The following OSMR variants were observed in gnomAD, a reference collection of about 807,000 sequenced individuals.
OSMR encodes oncostatin-M-specific receptor subunit beta.
In OSMR, 81 loss-of-function variants were observed where a neutral mutation model predicts 99.9. The ratio of observed to expected loss-of-function variants is 0.81; its 90% CI spans 0.68 to 0.97. The LOEUF (loss-of-function observed/expected upper bound fraction) is 0.97. Ranked by LOEUF, OSMR falls within the 50% of genes least tolerant of loss-of-function variation. OSMR has a pLI of 0.00. For synonymous variants in OSMR, 406 were observed against 410.4 expected, an observed-to-expected ratio of 0.99 and a Z score of 0.13; for missense variants, 1,099 against 1,153.4, an observed-to-expected ratio of 0.95 and a Z score of 0.68.
intron 9 of OSMR, among the ~76,000 whole-genome samples, chr5:38,914,825 A>G (rs1745804355): frequency 6.6e-6 from 1 of 152,124 alleles, no homozygotes; most frequent in African/African-American, 2.4e-5. Context: ...GACACTGGGG[A>G]CTACTAGAAG....
chr5:38,892,795 G>A (rs1307818898), intron 7 of OSMR, among the ~76,000 whole-genome samples: 1 of 152,072 alleles, frequency 6.6e-6, no homozygotes, highest in East Asian at 1.9e-4. Flanking sequence ...ACAAGTCCTA[G>A]AACAGGGGAG....
chr5:38,877,965 C>A (rs1742971910), intron 3 of OSMR, among the ~76,000 whole-genome samples: 1 of 152,086 alleles, frequency 6.6e-6, no homozygotes, highest in African/African-American at 2.4e-5. Context: ...GGCTCAAGAC[C>A]CTTCAGGGTA....
At chr5:38,941,685 T>A (rs1346820353) in intron 1 of OSMR, 1 of 232,348 alleles carries the variant, frequency 4.3e-6, no homozygotes, top group Non-Finnish European at 8.5e-6. Context: ...GCAAGTCTAG[T>A]AACATAAAAA....
intron 9 of OSMR, among the ~76,000 whole-genome samples, chr5:38,915,747 G>A (rs770916137): frequency 4.5e-4 from 68 of 152,284 alleles, no homozygotes; most frequent in Non-Finnish European, 8.7e-4. Flanking sequence ...AAAAATAGAA[G>A]TCATATGAGA....
intron 1 of OSMR, among the ~76,000 whole-genome samples, chr5:38,853,392 A>C (rs1740588075): frequency 6.6e-6 from 1 of 152,224 alleles, no homozygotes; most frequent in African/African-American, 2.4e-5. Flanking sequence ...ACAGAAAAGG[A>C]CATTGAAACC....
At chr5:38,908,029 A>G (rs572443096) in intron 9 of OSMR, among the ~76,000 whole-genome samples, 1 of 152,020 alleles carries the variant, frequency 6.6e-6, no homozygotes, top group East Asian at 1.9e-4. Flanking sequence ...GAATGTGTGC[A>G]TGGCCCCACA....
rs1744021492 is a variant in OSMR at position 38,889,612 on chromosome 5, T to C, written c.991+3422T>C. Among the ~76,000 whole-genome samples, 3 of 152,302 alleles carry C rather than the reference T, an allele frequency of 2.0e-5. No homozygotes were observed. In the South Asian group the frequency reaches 6.2e-4, roughly 32 times the overall value. ...GTCTTTTAGTCTATTTTGAAGTAAT[T>C]GTCTTATCATCATATTCATTTCTGC... On this transcript the variant is annotated intron_variant, in intron 7 of 17. Transcript: ENST00000274276.
chr5:38,917,703 T>C, intron 10 of OSMR, 81 bp downstream of exon 10: 1 of 1,164,148 alleles, frequency 8.6e-7, no homozygotes, highest in Admixed American at 1.7e-5. Flanking sequence ...TCTGGAGAAC[T>C]GTGGATTGGT....
chr5:38,905,688 C>T (rs1745181588), intron 9 of OSMR, among the ~76,000 whole-genome samples: 2 of 152,156 alleles, frequency 1.3e-5, no homozygotes, highest in South Asian at 2.1e-4. Flanking sequence ...CTGCGACTCA[C>T]GTCCAGGCAG....
chr5:38,871,754 T>A (rs968220145), intron 2 of OSMR, among the ~76,000 whole-genome samples: 7 of 152,236 alleles, frequency 4.6e-5, no homozygotes, highest in Non-Finnish European at 2.9e-5. Flanking sequence ...TATATATATA[T>A]GCTCAGGATT....
chr5:38,882,647 G>C (rs897693604), intron 4 of OSMR, among the ~76,000 whole-genome samples: 7 of 152,172 alleles, frequency 4.6e-5, no homozygotes, highest in Middle Eastern at 3.4e-3. Flanking sequence ...CGGCGGGGTG[G>C]GGGGAAGGGG....
chr5:38,945,409 T>A, downstream of OSMR: 1 of 921,554 alleles, frequency 1.1e-6, no homozygotes, highest in Non-Finnish European at 1.7e-6. Context: ...TGAATTAGAA[T>A]ACCAAAAAGA....
chr5:38,862,739 G>T (rs1376854504), intron 1 of OSMR, among the ~76,000 whole-genome samples: 2 of 150,896 alleles, frequency 1.3e-5, no homozygotes, highest in Admixed American at 6.6e-5. Context: ...GGGAAGAGGC[G>T]CTCCTCACTT....
intron 1 of OSMR, among the ~76,000 whole-genome samples, chr5:38,861,214 CA>C (rs1333143832): frequency 6.6e-6 from 1 of 152,132 alleles, no homozygotes; most frequent in Non-Finnish European, 1.5e-5. Flanking sequence ...GGAAGGTCAG[CA>C]GATAAACAAG....
intron 7 of OSMR, among the ~76,000 whole-genome samples, chr5:38,903,227 A>G (rs980043724): frequency 1.3e-5 from 2 of 152,232 alleles, no homozygotes; most frequent in Non-Finnish European, 2.9e-5. Context: ...ACCATCAGAC[A>G]GGCAGCAAGG....
intron 1 of OSMR, among the ~76,000 whole-genome samples, chr5:38,863,081 G>C (rs1016835745): frequency 6.7e-6 from 1 of 150,052 alleles, no homozygotes; most frequent in Non-Finnish European, 1.5e-5. Context: ...GGAGAATCAG[G>C]CAGGGAGGTT....
At chr5:38,907,498 G>C (rs1302744456) in intron 9 of OSMR, among the ~76,000 whole-genome samples, 1 of 152,170 alleles carries the variant, frequency 6.6e-6, no homozygotes, top group Non-Finnish European at 1.5e-5. Flanking sequence ...TTTGGCCAAA[G>C]GGTGACCATG....
At chr5:38,940,128 AG>A, downstream of OSMR, 1 of 208,818 alleles carries the variant, frequency 4.8e-6, no homozygotes, top group Non-Finnish European at 9.2e-6. Context: ...TCAAAGTAAC[AG>A]TAAAAAAAAA....
intron 1 of OSMR, among the ~76,000 whole-genome samples, chr5:38,850,108 C>T (rs1056366132): frequency 1.6e-4 from 25 of 152,038 alleles, no homozygotes; most frequent in Admixed American, 5.2e-4. Flanking sequence ...TAGTGTTTCT[C>T]AAACTTGAAT....
Sources: gnomAD v4.1 joint callset for allele counts (sites outside exome capture counted in the v4.1 genomes callset) on GRCh38, gnomAD v4.1.1 for gene constraint, MANE v1.5 for transcripts, NCBI Gene and HGNC (gene_info 2026-07-23, HGNC 2026-07-21) for gene names.